The following CIBAR1 variants were observed in gnomAD, a reference collection of about 807,000 sequenced individuals.
The protein encoded by CIBAR1 is CBY1 interacting BAR domain containing 1, also known as CBY1-interacting BAR domain-containing protein 1.
In CIBAR1, 25 loss-of-function variants were observed where a neutral mutation model predicts 44.0. That is an observed-to-expected ratio of 0.57 (90% confidence interval 0.41 to 0.79). The LOEUF (loss-of-function observed/expected upper bound fraction) is 0.79, where lower values mean the gene tolerates loss of function less well. CIBAR1 is among the 30% of genes least tolerant of loss of function. The pLI, the probability that CIBAR1 is intolerant of heterozygous loss-of-function variation, is 0.00. For synonymous variants in CIBAR1, 115 were observed against 119.0 expected (o/e 0.97, Z 0.22); for missense variants, 278 against 344.8 (o/e 0.81, Z 1.53).
intron 6 of CIBAR1, among the ~76,000 whole-genome samples, chr8:93,710,776 G>A (rs1425966241): frequency 6.7e-6 from 1 of 150,366 alleles, no homozygotes; most frequent in Non-Finnish European, 1.5e-5. Flanking sequence ...GGAGGTTGCA[G>A]TGAGCCAAGA....
At chr8:93,713,312 C>CGTGA (rs1810906739) in intron 6 of CIBAR1, among the ~76,000 whole-genome samples, 1 of 152,088 alleles carries the variant, frequency 6.6e-6, no homozygotes, top group Non-Finnish European at 1.5e-5. Flanking sequence ...GGATTACAGG[C>CGTGA]GTGAGCCACC....
At position 93,726,381 on chromosome 8, in the gene CIBAR1, A is replaced by G; in HGVS notation, c.658-13A>G. 6.2e-7 allele frequency: 1 copy of G among 1,606,724 alleles called. No homozygotes were observed. Among genetic ancestry groups the G allele is most frequent in the Non-Finnish European group, 8.5e-7 (1 of 1,175,188 alleles). ...AGCATCTACTTTATAATGCTATTTT[A>G]TCATTACAATAGGTTTTCCGAAATT... On this transcript the variant is annotated splice_polypyrimidine_tract_variant and intron_variant, in intron 7 of 8. Transcript: ENST00000518322.
intron 4 of CIBAR1, 39 bp downstream of exon 4, chr8:93,705,049 G>A: frequency 7.3e-7 from 1 of 1,364,890 alleles, no homozygotes; most frequent in Non-Finnish European, 1.0e-6. Context: ...AATGTTTAAG[G>A]TATGGAGTAC....
intron 6 of CIBAR1, among the ~76,000 whole-genome samples, chr8:93,710,253 G>C (rs1810768939): frequency 6.6e-6 from 1 of 151,956 alleles, no homozygotes; most frequent in Non-Finnish European, 1.5e-5. Context: ...ACTCCCTGCA[G>C]TCCAGCCTGG....
intron 7 of CIBAR1, chr8:93,719,809 A>C (rs1811177769): frequency 6.6e-6 from 1 of 152,188 alleles, no homozygotes; most frequent in Non-Finnish European, 1.5e-5. Context: ...AAGGTACGAA[A>C]GTATTTATGC....
intron 7 of CIBAR1, among the ~76,000 whole-genome samples, chr8:93,723,020 G>A (rs901012411): frequency 2.0e-5 from 3 of 151,896 alleles, no homozygotes; most frequent in Non-Finnish European, 2.9e-5. Context: ...TTTTTGAGAC[G>A]GAGTCTCGCT....
intron 5 of CIBAR1, among the ~76,000 whole-genome samples, chr8:93,709,184 G>A (rs1165964548): frequency 6.6e-6 from 1 of 152,176 alleles, no homozygotes; most frequent in African/African-American, 2.4e-5. Context: ...GGAGGCTGAG[G>A]CAGAAGAATC....
At chr8:93,724,331 TAA>T (rs1436767837) in intron 7 of CIBAR1, among the ~76,000 whole-genome samples, 1 of 152,148 alleles carries the variant, frequency 6.6e-6, no homozygotes, top group African/African-American at 2.4e-5. Flanking sequence ...TTTATATATA[TAA>T]AATTTTTTTT....
Position 93,726,480 on chromosome 8 carries a change from A to G in CIBAR1, c.744A>G (p.Ser248=). 6.2e-7 allele frequency: 1 copy of G among 1,613,704 alleles called. No individual in the cohort carries two copies. The highest frequency in any genetic ancestry group is 8.5e-7 in the Non-Finnish European group (1 of 1,179,710). The change falls in exon 8 of 9, where the codon TCA becomes TCG. Residue 248 remains serine, a synonymous_variant. Coordinates refer to ENST00000518322, the MANE Select transcript of CIBAR1 (RefSeq NM_145269.5). The stretch of plus-strand genomic sequence containing the variant: ...ATTCAAAGTCACCTCTTCAGAGATC[A>G]CTGTCAGCTAAGTGTGTATCTGGAA... ...RANSKSPLQR[S]LSAKCVSGTG... is the part of the protein sequence containing the mutation.
At chr8:93,724,473 TC>T in intron 7 of CIBAR1, 1 of 517,876 alleles carries the variant, frequency 1.9e-6, no homozygotes, top group Non-Finnish European at 3.5e-6. Flanking sequence ...TATAGGCACG[TC>T]CCACTATGCC....
Position 93,728,193 on chromosome 8 carries a change from A to C in CIBAR1, c.778-12A>C. 1 of 1,495,978 alleles carries C rather than the reference A, an allele frequency of 6.7e-7. No individual in the cohort carries two copies. The highest frequency in any genetic ancestry group is 8.9e-7 in the Non-Finnish European group (1 of 1,122,894). The allele number at this position is 1,495,978 out of a possible 1,614,324, so 92.7% of individuals were successfully genotyped here. A position where few individuals can be genotyped will look rare whatever the true frequency, so the allele number is the denominator to read the frequency against. Reference sequence around the variant, plus strand: ...GTATTTTTATTTTAAAAAGTGTGTTAACTTTTAACAGGTATCCACTTGTCG... The same window carrying C: ...GTATTTTTATTTTAAAAAGTGTGTTCACTTTTAACAGGTATCCACTTGTCG... On this transcript the variant is annotated splice_polypyrimidine_tract_variant and intron_variant, in intron 8 of 8. Transcript: ENST00000518322.
At position 93,701,253 on chromosome 8, in the gene CIBAR1, C is replaced by G. The variant is rs892747814; in HGVS notation, c.56C>G (p.Ala19Gly). ...RNAQTKQLQT[A>G]VSNVEKHFGE... ...GCTCAAACGAAACAACTGCAAACAG[C>G]TGTCTCAAATGTGGAGAAGCATTTT... Residue 19 changes from alanine (A) to glycine (G), a missense_variant, in exon 2 of 9, where the codon GCT (alanine) becomes GGT (glycine). Physicochemically the swap from Ala to Gly is moderately conservative, Grantham distance 60. Coordinates refer to ENST00000518322, the MANE Select transcript of CIBAR1 (RefSeq NM_145269.5). The G allele has an allele frequency of 6.8e-6, 11 of 1,613,394 alleles. No individual in the cohort carries two copies. The highest frequency in any genetic ancestry group is 3.3e-5 in the Admixed American group (2 of 59,938).
In CIBAR1 at chr8:93,713,041, T is replaced by C. The variant is rs535701261; in HGVS notation, c.543+3166T>C. 2.1e-5 allele frequency among the ~76,000 whole-genome samples: 3 copies of C among 145,786 alleles called. No individual in the cohort carries two copies. In the South Asian group the frequency reaches 6.8e-4, roughly 33 times the overall value. On this transcript the variant is annotated intron_variant, in intron 6 of 8. Coordinates refer to ENST00000518322, the MANE Select transcript of CIBAR1 (RefSeq NM_145269.5). ...TTTTTCTCCTTTTTTTTCTTTTTTTTTTTTTTTTCGAGACAGATTCTCGCT... is the reference window on the plus strand; with the variant it reads ...TTTTTCTCCTTTTTTTTCTTTTTTTCTTTTTTTTCGAGACAGATTCTCGCT...
At chr8:93,727,740 G>A (rs946244622) in intron 8 of CIBAR1, among the ~76,000 whole-genome samples, 5 of 152,160 alleles carry the variant, frequency 3.3e-5, no homozygotes, top group African/African-American at 4.8e-5. Context: ...TATGCCCCAC[G>A]TGGCGGCAGT....
In CIBAR1 at chr8:93,701,183, C is replaced by A. The variant is rs780808742; in HGVS notation, c.27-41C>A. 9 of 1,584,790 alleles carry A rather than the reference C, an allele frequency of 5.7e-6. No homozygotes were observed. The South Asian group carries it at 8.0e-5, about 14-fold the overall frequency. On this transcript the variant is annotated intron_variant, in intron 1 of 8. Coordinates refer to ENST00000518322, the MANE Select transcript of CIBAR1 (RefSeq NM_145269.5). Reference sequence around the variant, plus strand: ...AAATTAACGTGAAGCCTTCTCATCTCTAACGAGAATGTTTTGCCTTTTGTG... The same window carrying A: ...AAATTAACGTGAAGCCTTCTCATCTATAACGAGAATGTTTTGCCTTTTGTG...
At chr8:93,712,570 T>TG (rs2130326505) in intron 6 of CIBAR1, among the ~76,000 whole-genome samples, 1 of 152,330 alleles carries the variant, frequency 6.6e-6, no homozygotes, top group South Asian at 2.1e-4. Context: ...GGAGTGGAAT[T>TG]GCTGGATTAT....
intron 6 of CIBAR1, among the ~76,000 whole-genome samples, chr8:93,711,942 G>A (rs1810838946): frequency 6.6e-6 from 1 of 152,174 alleles, no homozygotes; most frequent in Non-Finnish European, 1.5e-5. Flanking sequence ...AACAGGAGAT[G>A]GAGTAAGGTG....
At chr8:93,706,933 T>A (rs1810612062) in intron 4 of CIBAR1, among the ~76,000 whole-genome samples, 1 of 152,192 alleles carries the variant, frequency 6.6e-6, no homozygotes, top group Admixed American at 6.5e-5. Flanking sequence ...AAGTTTGATA[T>A]GTAAGATAAA....
intron 2 of CIBAR1, chr8:93,702,464 G>C: frequency 4.4e-6 from 2 of 450,744 alleles, no homozygotes; most frequent in African/African-American, 4.0e-5. Flanking sequence ...AAATAGCAAA[G>C]TGAATTGATT....
Sources: allele counts gnomAD v4.1 joint callset (sites outside exome capture counted in the v4.1 genomes callset), GRCh38; gene constraint gnomAD v4.1.1; transcripts MANE v1.5; gene names NCBI Gene and HGNC (gene_info 2026-07-23, HGNC 2026-07-21).